The following DPP10 variants were observed in gnomAD, a reference collection of about 807,000 sequenced individuals.
The protein encoded by DPP10 is dipeptidyl peptidase like 10, also known as inactive dipeptidyl peptidase 10.
DPP10 carries 33 observed loss-of-function variants against 120.9 expected under a neutral mutation model. The ratio of observed to expected loss-of-function variants is 0.27; its 90% confidence interval spans 0.21 to 0.37. The LOEUF (loss-of-function observed/expected upper bound fraction) is 0.37. DPP10 is among the 10% of genes least tolerant of loss of function. The pLI is 1.00. For synonymous variants in DPP10, 337 were observed against 326.1 expected, an observed-to-expected ratio of 1.03 and a Z score of -0.36; for missense variants, 816 against 942.8, an observed-to-expected ratio of 0.87 and a Z score of 1.76.
intron 1 of DPP10, among the ~76,000 whole-genome samples, chr2:114,694,338 A>G (rs1472548197): frequency 1.3e-5 from 2 of 151,976 alleles, no homozygotes; most frequent in Non-Finnish European, 2.9e-5. Flanking sequence ...TCCGTAGAGA[A>G]AATATGTCTT....
At chr2:115,071,651 A>G (rs1217498302) in intron 1 of DPP10, among the ~76,000 whole-genome samples, 2 of 151,526 alleles carry the variant, frequency 1.3e-5, no homozygotes, top group African/African-American at 2.4e-5. Context: ...AAGTTTTAAG[A>G]CCAGAAGGGG....
At chr2:115,091,833 T>G (rs575623925) in intron 1 of DPP10, among the ~76,000 whole-genome samples, 1 of 152,340 alleles carries the variant, frequency 6.6e-6, no homozygotes, top group Non-Finnish European at 1.5e-5. Flanking sequence ...CTTTATAGCC[T>G]ATTTGTTGTT....
intron 1 of DPP10, among the ~76,000 whole-genome samples, chr2:114,902,041 G>T (rs1442511634): frequency 6.6e-6 from 1 of 152,160 alleles, no homozygotes; most frequent in Admixed American, 6.5e-5. Context: ...CTTTGAGAAA[G>T]TCAGTCAAAA....
chr2:115,623,098 G>A (rs2149289230), intron 5 of DPP10, among the ~76,000 whole-genome samples: 1 of 152,176 alleles, frequency 6.6e-6, no homozygotes, highest in South Asian at 2.1e-4. Context: ...GCCCGCCTCG[G>A]CCTCCCAAAG....
chr2:115,752,475 T>C (rs2149747438), intron 10 of DPP10, among the ~76,000 whole-genome samples: 1 of 152,314 alleles, frequency 6.6e-6, no homozygotes, highest in South Asian at 2.1e-4. Flanking sequence ...AAGAATTTAA[T>C]AGACTCCCAT....
At chr2:115,554,677 A>G (rs992431450) in intron 5 of DPP10, among the ~76,000 whole-genome samples, 1 of 152,096 alleles carries the variant, frequency 6.6e-6, no homozygotes, top group South Asian at 2.1e-4. Context: ...TTAAGCACAC[A>G]TACACCAACA....
intron 1 of DPP10, among the ~76,000 whole-genome samples, chr2:115,038,439 G>GT (rs560574103): frequency 4.6e-4 from 69 of 150,896 alleles, no homozygotes; most frequent in African/African-American, 1.3e-3. Flanking sequence ...CCCGGCTAAT[G>GT]TTTTTTTTAA....
At chr2:114,450,435 T>G (rs1678198025) in intron 1 of DPP10, among the ~76,000 whole-genome samples, 1 of 152,148 alleles carries the variant, frequency 6.6e-6, no homozygotes, top group Admixed American at 6.6e-5. Context: ...ATTTTTTTTT[T>G]TACTTTTGTT....
intron 1 of DPP10, among the ~76,000 whole-genome samples, chr2:115,090,301 A>C (rs1172097374): frequency 6.6e-6 from 1 of 152,122 alleles, no homozygotes; most frequent in Admixed American, 6.5e-5. Flanking sequence ...CATATTTAAA[A>C]TGTGTAGTCC....
At chr2:114,647,780 A>G (rs1313033940) in intron 1 of DPP10, among the ~76,000 whole-genome samples, 2 of 150,358 alleles carry the variant, frequency 1.3e-5, no homozygotes, top group Non-Finnish European at 3.0e-5. Context: ...CTTACTGGAA[A>G]CCCAATTCAT....
intron 10 of DPP10, among the ~76,000 whole-genome samples, chr2:115,747,894 C>T (rs897851810): frequency 6.6e-6 from 1 of 152,066 alleles, no homozygotes; most frequent in African/African-American, 2.4e-5. Flanking sequence ...TGGCTGGCCC[C>T]GCTTGTCTTG....
intron 3 of DPP10, among the ~76,000 whole-genome samples, chr2:115,380,378 T>C (rs1407719669): frequency 4.6e-5 from 7 of 152,210 alleles, no homozygotes; most frequent in Non-Finnish European, 1.0e-4. Context: ...TTGCAGCCCC[T>C]GCCTTTTTTT....
intron 5 of DPP10, among the ~76,000 whole-genome samples, chr2:115,582,532 A>G (rs2082058562): frequency 6.6e-6 from 1 of 152,092 alleles, no homozygotes; most frequent in Non-Finnish European, 1.5e-5. Context: ...GCTAATGGTC[A>G]CCTGACATTT....
intron 5 of DPP10, among the ~76,000 whole-genome samples, chr2:115,565,481 G>C (rs1028234577): frequency 2.0e-5 from 3 of 152,014 alleles, no homozygotes; most frequent in African/African-American, 7.2e-5. Flanking sequence ...TACGTAAAAT[G>C]TTATCACCAA....
At chr2:115,826,776 G>A (rs550807925) in intron 21 of DPP10, among the ~76,000 whole-genome samples, 48 of 151,948 alleles carry the variant, frequency 3.2e-4, no homozygotes, top group Admixed American at 1.0e-3. Context: ...ATCTTTCTTT[G>A]GATTATTGTA....
intron 1 of DPP10, among the ~76,000 whole-genome samples, chr2:115,027,322 T>A (rs2105217720): frequency 6.6e-6 from 1 of 152,264 alleles, no homozygotes; most frequent in South Asian, 2.1e-4. Flanking sequence ...TGGATGCCCT[T>A]TATCTCTTTC....
At chr2:114,736,368 T>C (rs945370251) in intron 1 of DPP10, among the ~76,000 whole-genome samples, 10 of 152,132 alleles carry the variant, frequency 6.6e-5, no homozygotes, top group Non-Finnish European at 1.5e-4. Flanking sequence ...CCTAGCATGA[T>C]TCCTCGCTTA....
chr2:115,670,954 A>T (rs2089828900), intron 5 of DPP10, among the ~76,000 whole-genome samples: 1 of 152,122 alleles, frequency 6.6e-6, no homozygotes. Flanking sequence ...TATTGGAAAA[A>T]AATTGTTAAG....
intron 1 of DPP10, among the ~76,000 whole-genome samples, chr2:115,118,420 T>C (rs2049641399): frequency 6.6e-6 from 1 of 152,204 alleles, no homozygotes; most frequent in Admixed American, 6.5e-5. Context: ...TTTAAAGCTT[T>C]TTGTAAGATG....
Sources: gnomAD v4.1 joint callset for allele counts (sites outside exome capture counted in the v4.1 genomes callset) on GRCh38, gnomAD v4.1.1 for gene constraint, MANE v1.5 for transcripts, NCBI Gene and HGNC (gene_info 2026-07-23, HGNC 2026-07-21) for gene names.